NRXN3: variants seen among roughly 807,000 people sequenced by gnomAD.
The protein encoded by NRXN3 is neurexin III.
A neutral mutation model predicts 137.6 loss-of-function variants in NRXN3; 32 were observed. The observed-to-expected ratio is 0.23, with a 90% CI of 0.18 to 0.31. The LOEUF is 0.31. Among genes scored for constraint, NRXN3 ranks in the 10% least tolerant of loss-of-function variants. The probability of loss-of-function intolerance (pLI) is 1.00; values close to 1 mark genes in which losing one functional copy is unlikely to be tolerated. For synonymous variants in NRXN3, 798 were observed against 784.5 expected (o/e 1.02, Z -0.29); for missense variants, 1,574 against 2,062.5 (o/e 0.76, Z 4.59).
At chr14:79,060,752 T>C (rs986134059) in intron 15 of NRXN3, among the ~76,000 whole-genome samples, 11 of 152,190 alleles carry the variant, frequency 7.2e-5, no homozygotes, top group South Asian at 2.1e-4. Flanking sequence ...AGGTTTGAAA[T>C]AGGATGAAAA....
chr14:78,755,418 AC>A (rs1388176627), intron 8 of NRXN3, among the ~76,000 whole-genome samples: 6 of 151,994 alleles, frequency 3.9e-5, no homozygotes, highest in Admixed American at 1.3e-4. Context: ...CTCTCTTGAT[AC>A]CCTTACTTGC....
intron 15 of NRXN3, among the ~76,000 whole-genome samples, chr14:79,000,259 C>T (rs879871676): frequency 6.6e-6 from 1 of 152,132 alleles, no homozygotes; most frequent in African/African-American, 2.4e-5. Context: ...CATGTATGTG[C>T]ATACATATGT....
intron 15 of NRXN3, among the ~76,000 whole-genome samples, chr14:79,403,929 A>C (rs897100944): frequency 6.6e-6 from 1 of 152,188 alleles, no homozygotes; most frequent in Non-Finnish European, 1.5e-5. Flanking sequence ...ATTTTATTCA[A>C]ATCTTAACCC....
At chr14:78,772,010 A>G (rs543749256) in intron 8 of NRXN3, among the ~76,000 whole-genome samples, 4 of 152,308 alleles carry the variant, frequency 2.6e-5, no homozygotes, top group African/African-American at 9.6e-5. Context: ...TGTGTCATAT[A>G]TACCTTATAT....
chr14:79,822,836 A>C (rs189079861), intron 20 of NRXN3, among the ~76,000 whole-genome samples: 101 of 147,542 alleles, frequency 6.8e-4, no homozygotes, highest in African/African-American at 1.5e-3. Flanking sequence ...AACAAACAAA[A>C]AAACCAAAAA....
intron 4 of NRXN3, among the ~76,000 whole-genome samples, chr14:78,472,119 A>G (rs1409289037): frequency 6.6e-6 from 1 of 152,198 alleles, no homozygotes; most frequent in African/African-American, 2.4e-5. Flanking sequence ...CAAGATAGCA[A>G]GATCTAGGAC....
rs113837644 is a variant in NRXN3, at chr14:79,826,011, G to C, written c.4093+20821G>C. Among the ~76,000 whole-genome samples the C allele has an allele frequency of 9.3e-3, 1,321 of 142,190 alleles. 16 individuals are homozygous for C. The highest frequency in any genetic ancestry group is 0.032 in the African/African-American group (1,246 of 39,458). 93.3% of individuals were successfully genotyped at this position (142,190 alleles called of 152,430 possible). Reference sequence around the variant, plus strand: ...TACCTTCCTCAAAGATTTTTTTTTTGTGGGGGGACAGTCTCACTCTGTAAT... The same window carrying C: ...TACCTTCCTCAAAGATTTTTTTTTTCTGGGGGGACAGTCTCACTCTGTAAT... On this transcript the variant is annotated intron_variant, in intron 20 of 20. Transcript: ENST00000335750.
intron 4 of NRXN3, among the ~76,000 whole-genome samples, chr14:78,370,327 T>C (rs1304030361): frequency 7.6e-6 from 1 of 131,276 alleles, no homozygotes. Context: ...TTTTTTTTTT[T>C]GAGTGCTGCA....
intron 8 of NRXN3, among the ~76,000 whole-genome samples, chr14:78,759,662 A>G (rs1036958237): frequency 1.3e-5 from 2 of 152,200 alleles, no homozygotes; most frequent in African/African-American, 4.8e-5. Flanking sequence ...TAGGGTTGGC[A>G]TAGAAGATAA....
At chr14:78,763,729 C>T (rs1396381852) in intron 8 of NRXN3, among the ~76,000 whole-genome samples, 2 of 152,078 alleles carry the variant, frequency 1.3e-5, no homozygotes, top group African/African-American at 4.8e-5. Flanking sequence ...GCAGCATGCA[C>T]CTAGAGAGAG....
In NRXN3 at chr14:78,584,172, A is replaced by C. The variant is rs140408476; in HGVS notation, c.758-60948A>C. Among the ~76,000 whole-genome samples the C allele has an allele frequency of 2.0e-5, 3 of 152,260 alleles. No individual in the cohort carries two copies. In the East Asian group the frequency reaches 5.8e-4, roughly 29 times the overall value. On this transcript the variant is annotated intron_variant, in intron 4 of 20. Transcript: ENST00000335750. Reference sequence around the variant, plus strand: ...CAGATTAGTGGATGACATCTCCTGTATGTGGACCATCTGTCTGTATGTGTG... The same window carrying C: ...CAGATTAGTGGATGACATCTCCTGTCTGTGGACCATCTGTCTGTATGTGTG...
At chr14:79,658,384 G>T (rs55933035) in intron 16 of NRXN3, among the ~76,000 whole-genome samples, 8,821 of 152,204 alleles carry the variant, frequency 0.058, 341 homozygotes, top group East Asian at 0.16. Flanking sequence ...CTGCATGTCC[G>T]TAGCAAGTTG....
At chr14:79,714,718 CTT>C (rs1436911976) in intron 19 of NRXN3, among the ~76,000 whole-genome samples, 1 of 152,160 alleles carries the variant, frequency 6.6e-6, no homozygotes, top group African/African-American at 2.4e-5. Context: ...TTGTGTTTCT[CTT>C]TCTCTCTCTC....
chr14:79,572,773 T>A (rs745414530), intron 16 of NRXN3: 2 of 152,308 alleles, frequency 1.3e-5, no homozygotes, highest in Middle Eastern at 3.4e-3. Flanking sequence ...AATATAAATA[T>A]GTACAAAGAC....
In NRXN3 at chr14:79,098,228, A is replaced by G. The variant is rs530754711; in HGVS notation, c.3262+110087A>G. On this transcript the variant is annotated intron_variant, in intron 15 of 20. Transcript: ENST00000335750. ...TTAGCCAATCTCAGGTTTACAATAC[A>G]AGAACAATCTCAATCTGATTTGCTT... 6.6e-5 allele frequency among the ~76,000 whole-genome samples: 10 copies of G among 152,310 alleles called. No individual in the cohort carries two copies. In the South Asian group the frequency reaches 1.5e-3, roughly 22 times the overall value.
At chr14:79,765,845 T>C (rs11628399) in intron 19 of NRXN3, among the ~76,000 whole-genome samples, 18,652 of 152,280 alleles carry the variant, frequency 0.12, 1,342 homozygotes, top group Middle Eastern at 0.22. Flanking sequence ...CACTACTTTT[T>C]ACATTCTTTT....
intron 8 of NRXN3, chr14:78,744,938 C>T (rs1278049567): frequency 6.6e-6 from 1 of 152,222 alleles, no homozygotes; most frequent in African/African-American, 2.4e-5. Flanking sequence ...CTTGCAGAGT[C>T]AGAATCCTGA....
intron 10 of NRXN3, among the ~76,000 whole-genome samples, chr14:78,943,663 TA>T (rs2099359515): frequency 1.2e-5 from 1 of 81,562 alleles, no homozygotes; most frequent in Admixed American, 1.2e-4. Context: ...TATATATATA[TA>T]TATATATATA....
intron 15 of NRXN3, among the ~76,000 whole-genome samples, chr14:79,140,547 G>A (rs2058690033): frequency 6.7e-6 from 1 of 149,558 alleles, no homozygotes; most frequent in Non-Finnish European, 1.5e-5. Context: ...GCGCCATGTT[G>A]CAATTGTTAT....
Sources: gnomAD v4.1 joint callset for allele counts (sites outside exome capture counted in the v4.1 genomes callset) on GRCh38, gnomAD v4.1.1 for gene constraint, MANE v1.5 for transcripts, NCBI Gene and HGNC (gene_info 2026-07-23, HGNC 2026-07-21) for gene names.